Variants in FUT5 observed in about 807,000 individuals in gnomAD.
FUT5 encodes 4-galactosyl-N-acetylglucosaminide 3-alpha-L-fucosyltransferase FUT5.
In FUT5, 1 loss-of-function variant was observed where a neutral mutation model predicts 0.8. The ratio of observed to expected loss-of-function variants is 1.26; its 90% CI spans 0.45 to 5.99. The LOEUF (loss-of-function observed/expected upper bound fraction) is 5.99. Ranked by LOEUF, FUT5 falls within the 30% of genes most tolerant of loss-of-function variation. The pLI, the probability that FUT5 is intolerant of heterozygous loss-of-function variation, is 0.15. For missense variants in FUT5, 437 were observed against 517.8 expected, an observed-to-expected ratio of 0.84 and a Z score of 1.51; for synonymous variants, 212 against 225.7, an observed-to-expected ratio of 0.94 and a Z score of 0.54.
In FUT5 at chr19:5,867,527, T is replaced by C; in HGVS notation, c.199A>G (p.Ser67Gly). The part of the protein sequence containing the change: ...GAPNGSRCQD[S>G]MATPAHPTLL... ...GTGGGGTGGGCAGGGGTCGCCATGC[T>C]GTCCTGGCAGCGGGACCCATTGGGA... The change falls in exon 2 of 2, where the codon AGC (serine) becomes GGC (glycine). Residue 67 changes from serine to glycine, a missense_variant. Coordinates refer to ENST00000588525, the MANE Select transcript of FUT5 (RefSeq NM_002034.2). This position sits in a 1 kb window ranked among gnomAD's most constrained non-coding sequence, Gnocchi z 5.0. The C allele has an allele frequency of 6.2e-7, 1 of 1,613,326 alleles. No homozygotes were observed. Among genetic ancestry groups the C allele is most frequent in the Non-Finnish European group, 8.5e-7 (1 of 1,179,898 alleles).
chr19:5,869,140 C>T (rs984331440), intron 1 of FUT5, among the ~76,000 whole-genome samples: 36 of 152,082 alleles, frequency 2.4e-4, no homozygotes, highest in African/African-American at 8.7e-4. Context: ...CGCTACCATG[C>T]CCGGCTAATT....
chr19:5,868,304 C>T (rs2144921272), intron 1 of FUT5, among the ~76,000 whole-genome samples: 1 of 152,118 alleles, frequency 6.6e-6, no homozygotes, highest in African/African-American at 2.4e-5. Context: ...AGACATGGAA[C>T]CCCGCTTGTT....
chr19:5,866,527 C>T lies in FUT5; in HGVS notation c.*74G>A, dbSNP rs888285379. On this transcript the variant is annotated 3_prime_UTR_variant, in exon 2 of 2. Transcript: ENST00000588525. This position sits in a 1 kb window ranked among gnomAD's most constrained non-coding sequence, Gnocchi z 4.9. Reference sequence around the variant, plus strand: ...CGAGGCCCCAGGTAGGTAAATCCCCCGACTAGTGAGACCCTAGGTAGGTGA... The same window carrying T: ...CGAGGCCCCAGGTAGGTAAATCCCCTGACTAGTGAGACCCTAGGTAGGTGA... 3.0e-5 allele frequency: 48 copies of T among 1,609,292 alleles called. No individual in the cohort carries two copies. The highest frequency in any genetic ancestry group is 8.4e-5 in the Admixed American group (5 of 59,866).
Position 5,867,399 on chromosome 19 carries a change from G to A in FUT5, c.327C>T (p.Asp109=). The change falls in exon 2 of 2, where the codon GAC becomes GAT. Residue 109 remains aspartate (D), a synonymous_variant. Transcript: ENST00000588525. The surrounding 1 kb of genome is among the most constrained non-coding windows in gnomAD (Gnocchi z 5.0). ...CGTCTGCCTGTGGGTACACACTGGAGTCGGCAGTGATGTTGCAGTCGGCCG... is the reference window on the plus strand; with the variant it reads ...CGTCTGCCTGTGGGTACACACTGGAATCGGCAGTGATGTTGCAGTCGGCCG... ...PGAADCNITA[D]SSVYPQADAV... 2 of 1,613,916 alleles carry A rather than the reference G, an allele frequency of 1.2e-6. No homozygotes were observed. Among genetic ancestry groups the A allele is most frequent in the Non-Finnish European group, 8.5e-7 (1 of 1,180,008 alleles).
rs2057503274 is a variant in FUT5, at chr19:5,866,488, AGGCCCCAGGCAGCCG to A, written c.*98_*112del. 7 of 1,127,320 alleles carry A rather than the reference AGGCCCCAGGCAGCCG, an allele frequency of 6.2e-6. No homozygotes were observed. The highest frequency in any genetic ancestry group is 2.1e-5 in the African/African-American group (1 of 47,294). The allele number at this position is 1,127,320 out of a possible 1,614,324, so 69.8% of individuals were successfully genotyped here. A position where few individuals can be genotyped will look rare whatever the true frequency, so the allele number is the denominator to read the frequency against. ...AGGCAGGTGAGACCCCAGGCAGCCG[AGGCCCCAGGCAGCCG>A]AGGCCCCAGGTAGGTAAATCCCCCG... On this transcript the variant is annotated 3_prime_UTR_variant, in exon 2 of 2. Transcript: ENST00000588525. The surrounding 1 kb of genome is among the most constrained non-coding windows in gnomAD (Gnocchi z 4.9).
chr19:5,868,200 G>C (rs1044744289), intron 1 of FUT5, among the ~76,000 whole-genome samples: 2 of 152,148 alleles, frequency 1.3e-5, no homozygotes, highest in African/African-American at 4.8e-5. Flanking sequence ...ATAGGAGGGA[G>C]AATGGGCAGG....
intron 1 of FUT5, among the ~76,000 whole-genome samples, chr19:5,869,438 A>G (rs942871761): frequency 2.0e-5 from 3 of 149,366 alleles, no homozygotes; most frequent in Non-Finnish European, 4.4e-5. Flanking sequence ...TTTAGTAGAG[A>G]CAGGGTTTCA....
Position 5,866,762 on chromosome 19 carries a change from G to A in FUT5, c.964C>T (p.Leu322=), listed in dbSNP as rs2057504929. 1 of 1,598,474 alleles carries A rather than the reference G, an allele frequency of 6.3e-7. No homozygotes were observed. The highest frequency in any genetic ancestry group is 1.7e-5 in the Admixed American group (1 of 57,758). The change falls in exon 2 of 2, where the codon CTG becomes TTG. Residue 322 remains leucine, a synonymous_variant. Coordinates refer to ENST00000588525, the MANE Select transcript of FUT5 (RefSeq NM_002034.2). This position sits in a 1 kb window ranked among gnomAD's most constrained non-coding sequence, Gnocchi z 4.9. ...PKDLARYLQE[L]DKDHARYLSY... is the part of the protein sequence containing the mutation. Reference sequence around the variant, plus strand: ...AGGTAGCGGGCGTGGTCCTTGTCCAGCTCCTGCAGGTACCGGGCCAGGTCC... The same window carrying A: ...AGGTAGCGGGCGTGGTCCTTGTCCAACTCCTGCAGGTACCGGGCCAGGTCC...
chr19:5,867,815 G>C lies in FUT5; in HGVS notation c.-12-78C>G, dbSNP rs1011432028. On this transcript the variant is annotated intron_variant, in intron 1 of 1. Transcript: ENST00000588525. This position sits in a 1 kb window ranked among gnomAD's most constrained non-coding sequence, Gnocchi z 5.0. ...CTGGCCACGTGTCCTGAGAGAAGCT[G>C]TTATAATTTATGACACAGCTTGTCA... The C allele has an allele frequency of 4.9e-5, 72 of 1,471,874 alleles. No individual in the cohort carries two copies. The highest frequency in any genetic ancestry group is 5.6e-5 in the Non-Finnish European group (59 of 1,056,034). The allele number at this position is 1,471,874 out of a possible 1,614,324, so 91.2% of individuals were successfully genotyped here.
In FUT5 at chr19:5,867,110, C is replaced by A. The variant is rs1443991478; in HGVS notation, c.616G>T (p.Val206Leu). 6.2e-7 allele frequency: 1 copy of A among 1,613,294 alleles called. No homozygotes were observed. Residue 206 changes from valine (V) to leucine (L), a missense_variant, in exon 2 of 2, where the codon GTG becomes TTG. By Grantham distance (32) the Val-to-Leu change is conservative. Transcript: ENST00000588525. This position sits in a 1 kb window ranked among gnomAD's most constrained non-coding sequence, Gnocchi z 5.0. ...PLNLSAKTEL[V>L]AWAVSNWKPD... ...TTCCAGTTGGACACCGCCCAGGCCA[C>A]CAGCTCGGTCTTGGCCGAGAGGTTG...
chr19:5,866,483 AGCCGAGGCCCCAGG>A lies in FUT5; in HGVS notation c.*104_*117del. 1 of 1,109,538 alleles carries A rather than the reference AGCCGAGGCCCCAGG, an allele frequency of 9.0e-7. No individual in the cohort carries two copies. Among genetic ancestry groups the A allele is most frequent in the South Asian group, 1.7e-5 (1 of 60,522 alleles). The allele number at this position is 1,109,538 out of a possible 1,614,324, so 68.7% of individuals were successfully genotyped here. On this transcript the variant is annotated 3_prime_UTR_variant, in exon 2 of 2. Transcript: ENST00000588525. This position sits in a 1 kb window ranked among gnomAD's most constrained non-coding sequence, Gnocchi z 4.9. ...GCCCCAGGCAGGTGAGACCCCAGGC[AGCCGAGGCCCCAGG>A]CAGCCGAGGCCCCAGGTAGGTAAAT...
At chr19:5,869,559 T>A (rs1280179820) in intron 1 of FUT5, among the ~76,000 whole-genome samples, 1 of 151,264 alleles carries the variant, frequency 6.6e-6, no homozygotes, top group Non-Finnish European at 1.5e-5. Context: ...CCTAAATAAA[T>A]TTTTTTTTCC....
rs759514062 is a variant in FUT5, at chr19:5,867,616, G to T, written c.110C>A (p.Ser37Tyr). Residue 37 changes from serine (S) to tyrosine (Y), a missense_variant, in exon 2 of 2, where the codon TCC becomes TAC. Coordinates refer to ENST00000588525, the MANE Select transcript of FUT5 (RefSeq NM_002034.2). This position sits in a 1 kb window ranked among gnomAD's most constrained non-coding sequence, Gnocchi z 5.0. ...AVCFFSYLRV[S>Y]RDDATGSPRP... ...AGGGGATCCAGTGGCATCGTCTCGGGACACACGCAGGTAGGAGAAGAAACA... is the reference window on the plus strand; with the variant it reads ...AGGGGATCCAGTGGCATCGTCTCGGTACACACGCAGGTAGGAGAAGAAACA... 1 of 1,613,564 alleles carries T rather than the reference G, an allele frequency of 6.2e-7. No individual in the cohort carries two copies. The highest frequency in any genetic ancestry group is 2.2e-5 in the East Asian group (1 of 44,896).
Position 5,867,248 on chromosome 19 carries a change from C to T in FUT5, c.478G>A (p.Glu160Lys), listed in dbSNP as rs1448084601. The T allele has an allele frequency of 6.2e-7, 1 of 1,613,312 alleles. No individual in the cohort carries two copies. The highest frequency in any genetic ancestry group is 8.5e-7 in the Non-Finnish European group (1 of 1,180,038). The change falls in exon 2 of 2, where the codon GAA becomes AAA. Residue 160 changes from glutamate (E) to lysine (K), a missense_variant. By Grantham distance (56) the Glu-to-Lys change is moderately conservative (BLOSUM62 1). Coordinates refer to ENST00000588525, the MANE Select transcript of FUT5 (RefSeq NM_002034.2). This position sits in a 1 kb window ranked among gnomAD's most constrained non-coding sequence, Gnocchi z 5.0. ...MESPSNCRHL[E>K]ALDGYFNLTM... ...AGATTGAAGTATCCGTCCAGGGCTT[C>T]CAGGTGCCGGCAGTTGCTGGGGGAC...
chr19:5,868,125 T>A lies in FUT5; in HGVS notation c.-12-388A>T, dbSNP rs572622141. Reference sequence around the variant, plus strand: ...TCAACAGACACTCAAAGTTAACCCCTCTGGCCCTCAGACACACTGTCCCCG... The same window carrying A: ...TCAACAGACACTCAAAGTTAACCCCACTGGCCCTCAGACACACTGTCCCCG... On this transcript the variant is annotated intron_variant, in intron 1 of 1. Coordinates refer to ENST00000588525, the MANE Select transcript of FUT5 (RefSeq NM_002034.2). 3.9e-5 allele frequency among the ~76,000 whole-genome samples: 6 copies of A among 152,262 alleles called. No individual in the cohort carries two copies. The South Asian group carries it at 1.2e-3, about 32-fold the overall frequency.
At chr19:5,869,010 C>G (rs1254587455) in intron 1 of FUT5, among the ~76,000 whole-genome samples, 1 of 148,840 alleles carries the variant, frequency 6.7e-6, no homozygotes, top group African/African-American at 2.5e-5. Context: ...TAGACGGAGT[C>G]TCCCTCTGTC....
rs199516299 is a variant in FUT5 at position 5,867,365 on chromosome 19, C to T, written c.361G>A (p.Val121Met). 90 of 1,613,886 alleles carry T rather than the reference C, an allele frequency of 5.6e-5. No homozygotes were observed. In the East Asian group the frequency reaches 1.4e-3, roughly 25 times the overall value. The change falls in exon 2 of 2, where the codon GTG becomes ATG. Residue 121 changes from valine (V) to methionine (M), a missense_variant. By Grantham distance (21) the Val-to-Met change is conservative. This residue lies in a region of FUT5 where 261 missense variants were observed against 242.6 expected (regional missense o/e 1.08). Transcript: ENST00000588525. This position sits in a 1 kb window ranked among gnomAD's most constrained non-coding sequence, Gnocchi z 5.0. ...TTGTACATGATATCCCAGTGGTGCA[C>T]GATGACCGCGTCTGCCTGTGGGTAC... ...SVYPQADAVI[V>M]HHWDIMYNPS...
rs138555034 is a variant in FUT5 at position 5,866,395 on chromosome 19, A to G, written c.*206T>C. 1.2e-3 allele frequency: 963 copies of G among 809,252 alleles called. 1 individual carries two copies. The highest frequency in any genetic ancestry group is 1.6e-3 in the Non-Finnish European group (833 of 511,836). The allele number at this position is 809,252 out of a possible 1,614,324, so 50.1% of individuals were successfully genotyped here. A position where few individuals can be genotyped will look rare whatever the true frequency, so the allele number is the denominator to read the frequency against. ...CAGCAGGGGAGGCTCCTGGCAGTGA[A>G]GCCCGGCAAGTGAAATCCCAGGTAA... On this transcript the variant is annotated 3_prime_UTR_variant, in exon 2 of 2. Coordinates refer to ENST00000588525, the MANE Select transcript of FUT5 (RefSeq NM_002034.2). The surrounding 1 kb of genome is among the most constrained non-coding windows in gnomAD (Gnocchi z 4.9).
At position 5,867,656 on chromosome 19, in the gene FUT5, G is replaced by A. The variant is rs908985689; in HGVS notation, c.70C>T (p.Leu24=). 1.9e-6 allele frequency: 3 copies of A among 1,613,288 alleles called. No individual in the cohort carries two copies. The highest frequency in any genetic ancestry group is 3.3e-5 in the Admixed American group (2 of 60,008). Residue 24 remains leucine (L), a synonymous_variant, in exon 2 of 2, where the codon CTG becomes TTG. Transcript: ENST00000588525. This position sits in a 1 kb window ranked among gnomAD's most constrained non-coding sequence, Gnocchi z 5.0. ...GAGAAGAAACACACAGCCACCAGCAGCTGAAACAGCAGCCCGGCCAGACAG... is the reference window on the plus strand; with the variant it reads ...GAGAAGAAACACACAGCCACCAGCAACTGAAACAGCAGCCCGGCCAGACAG... ...RRCLAGLLFQ[L]LVAVCFFSYL...
Sources: gnomAD v4.1 joint callset for allele counts (sites outside exome capture counted in the v4.1 genomes callset) on GRCh38, gnomAD v4.1.1 for gene constraint, gnomAD v4.1.1 regional missense constraint, Gnocchi (gnomAD v3.1) non-coding constraint, MANE v1.5 for transcripts, NCBI Gene and HGNC (gene_info 2026-07-23, HGNC 2026-07-21) for gene names.